H2BC18: variants seen among roughly 807,000 people sequenced by gnomAD.
H2BC18 encodes histone H2B type 2-F.
Under a neutral mutation model 6.3 loss-of-function variants are expected in H2BC18, and 8 were observed. The observed-to-expected ratio is 1.28, with a 90% CI of 0.75 to 2.31. The LOEUF (loss-of-function observed/expected upper bound fraction) is 2.31, where lower values mean the gene tolerates loss of function less well. Among genes scored for constraint, H2BC18 ranks in the 30% most tolerant of loss-of-function variants. The probability of loss-of-function intolerance (pLI) is 0.00; values close to 1 mark genes in which losing one functional copy is unlikely to be tolerated. For missense variants in H2BC18, 106 were observed against 174.5 expected (o/e 0.61, Z 2.21); for synonymous variants, 104 against 78.1 (o/e 1.33, Z -1.75).
rs1296954273 is a variant in H2BC18, at chr1:149,788,321, T to C, written c.378-5061A>G. The C allele has an allele frequency of 2.5e-6, 4 of 1,611,776 alleles. No individual in the cohort carries two copies. In the African/African-American group the frequency reaches 4.0e-5, roughly 16 times the overall value. On this transcript the variant is annotated intron_variant, in intron 1 of 1. Transcript: ENST00000545683. The stretch of plus-strand genomic sequence containing the variant: ...ACAGGGCCAAGCTTGGGCCTCCTTG[T>C]ACCTCCTCCACTGTATACATACATT...
At chr1:149,807,335 C>A (rs2091926659), downstream of H2BC18, among the ~76,000 whole-genome samples, 1 of 151,492 alleles carries the variant, frequency 6.6e-6, no homozygotes, top group Non-Finnish European at 1.5e-5. Flanking sequence ...AAAACAAAAA[C>A]TCTAAAAATT....
chr1:149,812,313 G>A lies in H2BC18; in HGVS notation c.11C>T (p.Pro4Leu), dbSNP rs200692840. 1.0e-3 allele frequency: 1,644 copies of A among 1,614,194 alleles called. 22 individuals carry two copies. In the Admixed American group the frequency reaches 0.018, roughly 18 times the overall value. ...CTTGGGAGCAGGAGCGGATTTCGCT[G>A]GATCCGGCATTTTTGCGCGAAAAAA... Reference protein sequence around the residue: MPDPAKSAPAPKKG... With the variant: MPDLAKSAPAPKKG... The change falls in exon 1 of 1, where the codon CCA becomes CTA. Residue 4 changes from proline (P) to leucine (L), a missense_variant. Physicochemically the swap from Pro to Leu is moderately conservative, Grantham distance 98. Transcript: ENST00000369167.
At chr1:149,792,794 G>A (rs1325400229) in intron 1 of H2BC18, 4 of 1,279,488 alleles carry the variant, frequency 3.1e-6, no homozygotes, top group East Asian at 5.6e-5. Context: ...AGCGAGAAAT[G>A]AGCTGTAGGA....
chr1:149,804,392 C>A (rs1252707923), intron 1 of H2BC18, among the ~76,000 whole-genome samples: 3 of 152,190 alleles, frequency 2.0e-5, no homozygotes, highest in Admixed American at 6.5e-5. Context: ...ATAGCAGACA[C>A]TGAAGGTTCT....
Position 149,811,925 on chromosome 1 carries a change from T to C in H2BC18, c.*18A>G. ...CTTTGGGGTTAGGTGGTTGATCTAT[T>C]GCGTCCCTTGCACACTCTTACTTCG... is the stretch of plus-strand genomic sequence containing the variant. On this transcript the variant is annotated 3_prime_UTR_variant, in exon 1 of 1. Coordinates refer to ENST00000369167, the MANE Select transcript of H2BC18 (RefSeq NM_001024599.5). 2.5e-6 allele frequency: 4 copies of C among 1,602,276 alleles called. No homozygotes were observed. The highest frequency in any genetic ancestry group is 3.4e-6 in the Non-Finnish European group (4 of 1,170,360).
chr1:149,801,002 C>G (rs2091863292), intron 1 of H2BC18, among the ~76,000 whole-genome samples: 1 of 152,190 alleles, frequency 6.6e-6, no homozygotes, highest in African/African-American at 2.4e-5. Flanking sequence ...GGGAGGAGAG[C>G]TTGAGCCCAG....
At position 149,793,290 on chromosome 1, in the gene H2BC18, C is replaced by A. The variant is rs1255668804; in HGVS notation, c.378-10030G>T. On this transcript the variant is annotated intron_variant, in intron 1 of 1. Coordinates refer to the H2BC18 transcript ENST00000545683. Reference sequence around the variant, plus strand: ...GGGGAGTGGGAGAGGCCGCCCGCCTCCCCGTCCAGCTCGGAGGACCTCCCA... The same window carrying A: ...GGGGAGTGGGAGAGGCCGCCCGCCTACCCGTCCAGCTCGGAGGACCTCCCA... The A allele has an allele frequency of 2.0e-5, 24 of 1,199,168 alleles. No homozygotes were observed. In the East Asian group the frequency reaches 1.5e-3, roughly 73 times the overall value. 74.3% of individuals were successfully genotyped at this position (1,199,168 alleles called of 1,614,324 possible).
At chr1:149,785,386 G>C (rs1161145104) in intron 1 of H2BC18, among the ~76,000 whole-genome samples, 2 of 148,470 alleles carry the variant, frequency 1.3e-5, no homozygotes, top group Non-Finnish European at 3.0e-5. Flanking sequence ...GGAGAGGTTA[G>C]GGAAGCTGAC....
intron 1 of H2BC18, chr1:149,788,351 G>A (rs1432436179): frequency 5.0e-6 from 8 of 1,612,160 alleles, no homozygotes; most frequent in African/African-American, 1.3e-5. Context: ...TACATTTTGG[G>A]TTCATATTTT....
intron 1 of H2BC18, chr1:149,792,996 C>A: frequency 3.9e-6 from 5 of 1,274,872 alleles, no homozygotes; most frequent in Non-Finnish European, 5.1e-6. Context: ...TCCCCAGGCG[C>A]GTAGCTGAGT....
At chr1:149,798,755 G>A (rs2091828303) in intron 1 of H2BC18, among the ~76,000 whole-genome samples, 1 of 152,106 alleles carries the variant, frequency 6.6e-6, no homozygotes, top group African/African-American at 2.4e-5. Flanking sequence ...GGGACTACAG[G>A]TGCATGTAAC....
At chr1:149,800,924 A>T (rs2091861670) in intron 1 of H2BC18, among the ~76,000 whole-genome samples, 1 of 152,126 alleles carries the variant, frequency 6.6e-6, no homozygotes, top group Non-Finnish European at 1.5e-5. Context: ...CATCTCTATA[A>T]AAAATACAAA....
Position 149,812,076 on chromosome 1 carries a change from T to C in H2BC18, c.248A>G (p.His83Arg). ...TGTGATGGTGGAGCGCTTGTTGTAGTGCGCCAGGCGGGACGCCTCTCCCGC... is the reference window on the plus strand; with the variant it reads ...TGTGATGGTGGAGCGCTTGTTGTAGCGCGCCAGGCGGGACGCCTCTCCCGC... ...RIAGEASRLA[H>R]YNKRSTITSR... Residue 83 changes from histidine (H) to arginine (R), a missense_variant, in exon 1 of 1, where the codon CAC (histidine) becomes CGC (arginine). This residue lies in a region of H2BC18 where 35 missense variants were observed against 72.3 expected (regional missense o/e 0.48). Coordinates refer to ENST00000369167, the MANE Select transcript of H2BC18 (RefSeq NM_001024599.5). 4 of 1,614,256 alleles carry C rather than the reference T, an allele frequency of 2.5e-6. No homozygotes were observed. The highest frequency in any genetic ancestry group is 3.4e-6 in the Non-Finnish European group (4 of 1,180,040).
intron 1 of H2BC18, chr1:149,787,275 G>A (rs2091577428): frequency 6.6e-6 from 1 of 152,134 alleles, no homozygotes; most frequent in African/African-American, 2.4e-5. Flanking sequence ...AGTTCTGGAG[G>A]GGGAAAAGGC....
intron 1 of H2BC18, chr1:149,793,880 G>C (rs2091768858): frequency 7.8e-7 from 1 of 1,285,426 alleles, no homozygotes; most frequent in Non-Finnish European, 1.0e-6. Flanking sequence ...GGGTAAAACA[G>C]GAAGAGTTGG....
At position 149,790,388 on chromosome 1, in the gene H2BC18, A is replaced by G. The variant is rs1184571058; in HGVS notation, c.378-7128T>C. 46 of 1,554,968 alleles carry G rather than the reference A, an allele frequency of 3.0e-5. No individual in the cohort carries two copies. The East Asian group carries it at 8.0e-4, about 27-fold the overall frequency. ...CTGGCACAGAAGAAGGGACTCCCTT[A>G]TCTCCCATGGGACTGAGGTTTGTTC... is the stretch of plus-strand genomic sequence containing the variant. On this transcript the variant is annotated intron_variant, in intron 1 of 1. Transcript: ENST00000545683.
At chr1:149,809,930 A>G (rs1257333811), downstream of H2BC18, among the ~76,000 whole-genome samples, 3 of 150,822 alleles carry the variant, frequency 2.0e-5, no homozygotes, top group Non-Finnish European at 4.5e-5. Flanking sequence ...ACAGTAGAAC[A>G]TTTAGGCTAA....
Position 149,793,455 on chromosome 1 carries a change from C to T in H2BC18, c.378-10195G>A, listed in dbSNP as rs1288351018. ...GCCGAGCTTCACCCACAAGGGCCCA[C>T]GGCCCATCCTATCACGGATGAAAAG... On this transcript the variant is annotated intron_variant, in intron 1 of 1. Transcript: ENST00000545683. Among the ~76,000 whole-genome samples, 25 of 152,288 alleles carry T rather than the reference C, an allele frequency of 1.6e-4. 1 individual carries two copies. Among genetic ancestry groups the T allele is most frequent in the Non-Finnish European group, 1.0e-4 (7 of 68,022 alleles).
intron 1 of H2BC18, chr1:149,792,946 G>A (rs1571402591): frequency 4.7e-6 from 6 of 1,274,764 alleles, no homozygotes; most frequent in Non-Finnish European, 6.1e-6. Flanking sequence ...AAAACCCGGC[G>A]GCAGAATGGA....
Sources: allele counts gnomAD v4.1 joint callset (sites outside exome capture counted in the v4.1 genomes callset), GRCh38; gene constraint gnomAD v4.1.1; regional missense constraint gnomAD v4.1.1; transcripts MANE v1.5; gene names NCBI Gene and HGNC (gene_info 2026-07-23, HGNC 2026-07-21).